Variants in ADAD1 observed in about 807,000 individuals in gnomAD.
ADAD1 encodes the protein adenosine deaminase domain-containing protein 1.
In ADAD1, 46 loss-of-function variants were observed where a neutral mutation model predicts 66.8. The ratio of observed to expected loss-of-function variants is 0.69; its 90% CI spans 0.54 to 0.88. The LOEUF (loss-of-function observed/expected upper bound fraction) is 0.88. Ranked by LOEUF, ADAD1 falls within the 40% of genes least tolerant of loss-of-function variation. The pLI is 0.00. For missense variants in ADAD1, 617 were observed against 681.8 expected (o/e 0.91, Z 1.06); for synonymous variants, 248 against 229.4 (o/e 1.08, Z -0.73).
rs1246348446 is a variant in ADAD1 at position 122,407,895 on chromosome 4, C to G, written c.725-13C>G. On this transcript the variant is annotated splice_polypyrimidine_tract_variant and intron_variant, in intron 7 of 12. Coordinates refer to ENST00000296513, the MANE Select transcript of ADAD1 (RefSeq NM_139243.4). ...GTTAAATTAACCTGCTACTGTCTAC[C>G]TTTTTCTTTCAGCTGGACAACATGA... 2 of 1,610,700 alleles carry G rather than the reference C, an allele frequency of 1.2e-6. No individual in the cohort carries two copies. Among genetic ancestry groups the G allele is most frequent in the Non-Finnish European group, 1.7e-6 (2 of 1,178,192 alleles).
Position 122,415,377 on chromosome 4 carries a change from A to G in ADAD1, c.1250-2A>G. 1 of 1,604,954 alleles carries G rather than the reference A, an allele frequency of 6.2e-7. No homozygotes were observed. The highest frequency in any genetic ancestry group is 1.1e-5 in the South Asian group (1 of 89,106). On this transcript the variant is annotated splice_acceptor_variant, in intron 10 of 12. Coordinates refer to ENST00000296513, the MANE Select transcript of ADAD1 (RefSeq NM_139243.4). LOFTEE classifies it high-confidence loss of function. ...CTTGAGTGTTTTGTTTTTGCTTTCT[A>G]GGTGATGGGAATTGCAGTGATACCA...
intron 7 of ADAD1, among the ~76,000 whole-genome samples, chr4:122,401,923 TG>T (rs541360895): frequency 8.1e-4 from 123 of 152,232 alleles, no homozygotes; most frequent in African/African-American, 2.8e-3. Context: ...GAAATTTGGT[TG>T]GTGAGTTCTT....
intron 7 of ADAD1, among the ~76,000 whole-genome samples, chr4:122,402,526 T>C (rs1796026415): frequency 6.6e-6 from 1 of 152,196 alleles, no homozygotes; most frequent in Admixed American, 6.5e-5. Context: ...GCTGCTTATA[T>C]TTGGATGTCT....
intron 12 of ADAD1, 139 bp downstream of exon 12, chr4:122,421,529 G>T (rs1026484177): frequency 1.2e-6 from 1 of 819,062 alleles, no homozygotes; most frequent in East Asian, 3.5e-5. Flanking sequence ...GGTAAAATTG[G>T]TTTTTAAATG....
chr4:122,384,067 A>G (rs1463716278), intron 5 of ADAD1, 101 bp downstream of exon 5: 1 of 1,095,506 alleles, frequency 9.1e-7, no homozygotes, highest in African/African-American at 1.6e-5. Flanking sequence ...CAGCTACAAG[A>G]TAGAAGTTGC....
chr4:122,393,688 AG>A (rs769730431), intron 6 of ADAD1, 31 bp downstream of exon 6: 20 of 1,502,984 alleles, frequency 1.3e-5, no homozygotes, highest in Non-Finnish European at 1.8e-5. Flanking sequence ...GTTCTTCTTT[AG>A]AAGAGTAGCC....
chr4:122,419,422 A>G (rs918520098), intron 11 of ADAD1, among the ~76,000 whole-genome samples: 2 of 152,166 alleles, frequency 1.3e-5, no homozygotes, highest in Non-Finnish European at 2.9e-5. Context: ...AAAAATAACT[A>G]ATGAATACTA....
chr4:122,403,950 T>C (rs572715655), intron 7 of ADAD1, among the ~76,000 whole-genome samples: 7 of 152,100 alleles, frequency 4.6e-5, no homozygotes, highest in African/African-American at 1.7e-4. Flanking sequence ...ACCAGGGAAG[T>C]TGGGGAAAGC....
At chr4:122,412,358 AT>A (rs905846620) in intron 9 of ADAD1, among the ~76,000 whole-genome samples, 1 of 152,146 alleles carries the variant, frequency 6.6e-6, no homozygotes, top group African/African-American at 2.4e-5. Context: ...TATGAAAAAT[AT>A]CTCTGTTGGA....
chr4:122,410,240 C>T (rs1037791865), intron 8 of ADAD1, among the ~76,000 whole-genome samples: 9 of 152,120 alleles, frequency 5.9e-5, no homozygotes, highest in Non-Finnish European at 1.3e-4. Context: ...CATCTCATTG[C>T]CCTCCACCCC....
chr4:122,405,810 A>G (rs1295391906), intron 7 of ADAD1, among the ~76,000 whole-genome samples: 5 of 152,152 alleles, frequency 3.3e-5, no homozygotes, highest in African/African-American at 7.2e-5. Flanking sequence ...TAGATTCCAC[A>G]TATGAGTGAG....
chr4:122,429,281 A>G (rs1268684097), intron 12 of ADAD1, among the ~76,000 whole-genome samples: 1 of 152,100 alleles, frequency 6.6e-6, no homozygotes, highest in Non-Finnish European at 1.5e-5. Flanking sequence ...AAAAATAAAA[A>G]AAAAATAGCA....
At chr4:122,409,094 T>C (rs1031027088) in intron 8 of ADAD1, among the ~76,000 whole-genome samples, 1 of 151,910 alleles carries the variant, frequency 6.6e-6, no homozygotes, top group African/African-American at 2.4e-5. Context: ...TAAAGCAGAG[T>C]ATATAGATAA....
intron 4 of ADAD1, among the ~76,000 whole-genome samples, chr4:122,382,424 C>T (rs1303549698): frequency 2.0e-5 from 3 of 152,130 alleles, no homozygotes; most frequent in Admixed American, 1.3e-4. Flanking sequence ...CGCATTCTGA[C>T]ACAGAAGACT....
chr4:122,388,155 A>G (rs1268823237), intron 5 of ADAD1, among the ~76,000 whole-genome samples: 1 of 152,170 alleles, frequency 6.6e-6, no homozygotes, highest in East Asian at 1.9e-4. Flanking sequence ...TTCTGTGTAT[A>G]TGATGGATTA....
intron 10 of ADAD1, among the ~76,000 whole-genome samples, chr4:122,414,175 T>A (rs1202664336): frequency 1.3e-5 from 2 of 149,302 alleles, no homozygotes; most frequent in Non-Finnish European, 3.0e-5. Context: ...TACTTCCCAT[T>A]AAAGCATCTA....
chr4:122,385,027 TTTC>T (rs1156748793), intron 5 of ADAD1, among the ~76,000 whole-genome samples: 8 of 152,036 alleles, frequency 5.3e-5, no homozygotes, highest in Non-Finnish European at 1.2e-4. Flanking sequence ...TAAGCTAGAG[TTTC>T]TTCTTTATTT....
chr4:122,408,205 T>C (rs1796304198), intron 8 of ADAD1, among the ~76,000 whole-genome samples, 174 bp downstream of exon 8: 1 of 152,244 alleles, frequency 6.6e-6, no homozygotes, highest in Non-Finnish European at 1.5e-5. Flanking sequence ...ACATTTATCA[T>C]AGTAACGCCA....
intron 10 of ADAD1, among the ~76,000 whole-genome samples, chr4:122,414,284 G>GT (rs754928657): frequency 3.5e-5 from 4 of 115,306 alleles, no homozygotes; most frequent in African/African-American, 1.3e-4. Flanking sequence ...TTGGGGGGGG[G>GT]GGTACAACTA....
Sources: gnomAD v4.1 joint callset for allele counts (sites outside exome capture counted in the v4.1 genomes callset) on GRCh38, gnomAD v4.1.1 for gene constraint, MANE v1.5 for transcripts, NCBI Gene and HGNC (gene_info 2026-07-23, HGNC 2026-07-21) for gene names.